Variants in MYO1E observed in about 807,000 individuals in gnomAD.
MYO1E encodes myosin IE.
MYO1E carries 68 observed loss-of-function variants against 151.1 expected under a neutral mutation model. The ratio of observed to expected loss-of-function variants is 0.45; its 90% CI spans 0.37 to 0.55. The LOEUF (loss-of-function observed/expected upper bound fraction) is 0.55. Ranked by LOEUF, MYO1E falls within the 20% of genes least tolerant of loss-of-function variation. MYO1E has a pLI of 0.00. For synonymous variants in MYO1E, 601 were observed against 501.7 expected, an observed-to-expected ratio of 1.20 and a Z score of -2.64; for missense variants, 1,363 against 1,389.3, an observed-to-expected ratio of 0.98 and a Z score of 0.30.
intron 1 of MYO1E, among the ~76,000 whole-genome samples, chr15:59,300,691 A>C (rs1399980953): frequency 1.3e-5 from 2 of 152,132 alleles, no homozygotes; most frequent in Non-Finnish European, 2.9e-5. Flanking sequence ...ATTAAAAAAG[A>C]AATTCCCAAA....
chr15:59,347,053 C>T (rs1346285360), intron 1 of MYO1E, among the ~76,000 whole-genome samples: 6 of 152,200 alleles, frequency 3.9e-5, no homozygotes, highest in Admixed American at 1.3e-4. Flanking sequence ...AAGACGTTCA[C>T]CTTCTCAAAG....
chr15:59,349,681 G>C (rs532789406), intron 1 of MYO1E, among the ~76,000 whole-genome samples: 1 of 152,214 alleles, frequency 6.6e-6, no homozygotes, highest in East Asian at 1.9e-4. Context: ...AAAAACTGAG[G>C]CACTCTACAT....
At chr15:59,344,412 G>C (rs1042362050) in intron 1 of MYO1E, among the ~76,000 whole-genome samples, 1 of 152,166 alleles carries the variant, frequency 6.6e-6, no homozygotes, top group Non-Finnish European at 1.5e-5. Context: ...GCTAGGGGAA[G>C]GGTGACAAAA....
chr15:59,304,366 T>C (rs911537605), intron 1 of MYO1E, among the ~76,000 whole-genome samples: 1 of 152,230 alleles, frequency 6.6e-6, no homozygotes, highest in Non-Finnish European at 1.5e-5. Flanking sequence ...GCTGGGTTCC[T>C]ACGCTACTGT....
At chr15:59,347,418 G>C (rs1242666569) in intron 1 of MYO1E, among the ~76,000 whole-genome samples, 1 of 152,174 alleles carries the variant, frequency 6.6e-6, no homozygotes, top group Non-Finnish European at 1.5e-5. Flanking sequence ...TGCTGCTCTA[G>C]AGGGTTCATG....
chr15:59,138,511 G>A (rs2079388119), intron 26 of MYO1E, 144 bp from the exon 27 acceptor site: 6 of 865,684 alleles, frequency 6.9e-6, no homozygotes, highest in Admixed American at 2.7e-5. Context: ...CCAGGGTGCA[G>A]TCTTTAAACT....
intron 1 of MYO1E, among the ~76,000 whole-genome samples, chr15:59,318,553 T>G (rs779186353): frequency 6.6e-6 from 1 of 152,104 alleles, no homozygotes; most frequent in Non-Finnish European, 1.5e-5. Context: ...CAAAAAAGAT[T>G]TCAAAATTAT....
At chr15:59,369,858 A>T (rs780540771) in intron 1 of MYO1E, among the ~76,000 whole-genome samples, 6 of 152,160 alleles carry the variant, frequency 3.9e-5, no homozygotes, top group African/African-American at 7.2e-5. Context: ...GAGCCCTCCT[A>T]CTATGCTACC....
At position 59,207,577 on chromosome 15, in the gene MYO1E, A is replaced by C. The variant is rs1275891869; in HGVS notation, c.1530+1104T>G. The C allele has an allele frequency of 5.0e-6, 8 of 1,614,018 alleles. No homozygotes were observed. Among genetic ancestry groups the C allele is most frequent in the Admixed American group, 1.7e-5 (1 of 59,994 alleles). On this transcript the variant is annotated intron_variant, in intron 14 of 27. Coordinates refer to ENST00000288235, the MANE Select transcript of MYO1E (RefSeq NM_004998.4). ...AAACCGTATTATTGGAAGCGGCTGT[A>C]ATCTGGATACTGCTCGTTTTCGTTT...
intron 8 of MYO1E, among the ~76,000 whole-genome samples, chr15:59,223,557 C>G (rs1253817634): frequency 6.6e-6 from 1 of 152,200 alleles, no homozygotes; most frequent in Non-Finnish European, 1.5e-5. Context: ...TACACAAAGT[C>G]TCCAAGTCCT....
intron 1 of MYO1E, among the ~76,000 whole-genome samples, chr15:59,314,060 C>T (rs752321084): frequency 1.6e-4 from 24 of 152,134 alleles, no homozygotes; most frequent in Non-Finnish European, 2.8e-4. Flanking sequence ...TGATGATGGC[C>T]GGTGTTGCTT....
chr15:59,348,387 G>T (rs2080806038), intron 1 of MYO1E, among the ~76,000 whole-genome samples: 1 of 152,154 alleles, frequency 6.6e-6, no homozygotes, highest in South Asian at 2.1e-4. Context: ...GTTTGCATTT[G>T]GTGTTGCATC....
In MYO1E at chr15:59,132,712, A is replaced by G. The variant is rs1456105592; in HGVS notation, c.*4668T>C. On this transcript the variant is annotated 3_prime_UTR_variant, in exon 28 of 28. Coordinates refer to ENST00000288235, the MANE Select transcript of MYO1E (RefSeq NM_004998.4). ...TTGATTTTAAGTAGTGGTGATCTCT[A>G]TACTTTAGTTTCTGTACCTGTGAAG... The G allele has an allele frequency of 3.9e-5, 6 of 152,252 alleles. No individual in the cohort carries two copies. The highest frequency in any genetic ancestry group is 1.9e-4 in the East Asian group (1 of 5,204). 9.4% of individuals were successfully genotyped at this position (152,252 alleles called of 1,614,324 possible). A position where few individuals can be genotyped will look rare whatever the true frequency, so the allele number is the denominator to read the frequency against.
In MYO1E at chr15:59,137,307, G is replaced by C. The variant is rs945071234; in HGVS notation, c.*73C>G. 2.2e-5 allele frequency: 29 copies of C among 1,318,504 alleles called. No homozygotes were observed. In the African/African-American group the frequency reaches 3.9e-4, roughly 18 times the overall value. The allele number at this position is 1,318,504 out of a possible 1,614,324, so 81.7% of individuals were successfully genotyped here. ...AATTGCTCATTGTGGATTGTAAGGG[G>C]AGCCCCTAAATATCCCCTCCCCTGG... On this transcript the variant is annotated 3_prime_UTR_variant, in exon 28 of 28. Coordinates refer to ENST00000288235, the MANE Select transcript of MYO1E (RefSeq NM_004998.4).
intron 1 of MYO1E, among the ~76,000 whole-genome samples, chr15:59,281,254 CCTTTT>C (rs1269714015): frequency 5.3e-5 from 8 of 151,938 alleles, no homozygotes; most frequent in South Asian, 2.1e-4. Flanking sequence ...CATGACTTTT[CCTTTT>C]CTTTTCTTTT....
chr15:59,137,822 C>T (rs2079382262), intron 27 of MYO1E, among the ~76,000 whole-genome samples: 1 of 152,166 alleles, frequency 6.6e-6, no homozygotes. Flanking sequence ...GAAGTTGGTT[C>T]AGGGATGGAC....
chr15:59,263,758 T>C (rs1400888769), intron 2 of MYO1E, among the ~76,000 whole-genome samples: 1 of 152,072 alleles, frequency 6.6e-6, no homozygotes, highest in Non-Finnish European at 1.5e-5. Flanking sequence ...CAGGCCATAG[T>C]GCTAAGAGAA....
Position 59,372,729 on chromosome 15 carries a change from T to G in MYO1E, c.-229A>C. ...GCGGCGACTTAGCAGGCGGGGCGCA[T>G]GCTGCGGAGGGCAAGAGTCCACTCG... On this transcript the variant is annotated 5_prime_UTR_variant, in exon 1 of 28. The change abolishes an upstream ATG in the 5' untranslated region. Coordinates refer to ENST00000288235, the MANE Select transcript of MYO1E (RefSeq NM_004998.4). 1 of 579,362 alleles carries G rather than the reference T, an allele frequency of 1.7e-6. No homozygotes were observed. Among genetic ancestry groups the G allele is most frequent in the Admixed American group, 3.2e-5 (1 of 31,442 alleles). 35.9% of individuals were successfully genotyped at this position (579,362 alleles called of 1,614,324 possible).
intron 1 of MYO1E, among the ~76,000 whole-genome samples, chr15:59,357,226 A>G (rs1335312822): frequency 2.0e-5 from 3 of 151,908 alleles, no homozygotes; most frequent in Non-Finnish European, 4.4e-5. Flanking sequence ...GTTTTAAAAT[A>G]GTATCATATA....
Sources: allele counts gnomAD v4.1 joint callset (sites outside exome capture counted in the v4.1 genomes callset), GRCh38; gene constraint gnomAD v4.1.1; transcripts MANE v1.5; gene names NCBI Gene and HGNC (gene_info 2026-07-23, HGNC 2026-07-21).